The following SATB1 variants were observed in gnomAD, a reference collection of about 807,000 sequenced individuals.
SATB1 encodes the protein DNA-binding protein SATB1.
A neutral mutation model predicts 86.9 loss-of-function variants in SATB1; 11 were observed. The observed-to-expected ratio is 0.13, with a 90% CI of 0.08 to 0.21. The LOEUF (loss-of-function observed/expected upper bound fraction) is 0.21, where lower values mean the gene tolerates loss of function less well. Among genes scored for constraint, SATB1 ranks in the 10% least tolerant of loss-of-function variants. The pLI is 1.00. For synonymous variants in SATB1, 357 were observed against 357.2 expected (o/e 1.00, Z 0.01); for missense variants, 551 against 937.6 (o/e 0.59, Z 5.39).
rs759237539 is a variant in SATB1 at position 18,386,403 on chromosome 3, G to A, written c.1415C>T (p.Pro472Leu). ...PLISTPPSRPPQVKTATIATE... is the reference protein window; with the variant it reads ...PLISTPPSRPLQVKTATIATE... ...AGGAGGAAAAGGAGACCGCACCTGG[G>A]GAGGACGGCTGGGTGGTGTGCTGAT... The change falls in exon 8 of 11, where the codon CCC (proline) becomes CTC (leucine). Residue 472 changes from proline (P) to leucine (L), a missense_variant. By Grantham distance (98) the Pro-to-Leu change is moderately conservative. Around this residue, in one of 8 missense-constraint regions of SATB1, gnomAD observed 110 missense variants for 212.2 expected, o/e 0.52. Coordinates refer to ENST00000338745, the MANE Select transcript of SATB1 (RefSeq NM_002971.6). This position sits in a 1 kb window ranked among gnomAD's most constrained non-coding sequence, Gnocchi z 4.5. The A allele has an allele frequency of 6.2e-7, 1 of 1,613,044 alleles. No individual in the cohort carries two copies. The highest frequency in any genetic ancestry group is 8.5e-7 in the Non-Finnish European group (1 of 1,179,492).
At chr3:18,445,238 C>T in intron 1 of SATB1, 2 of 981,884 alleles carry the variant, frequency 2.0e-6, no homozygotes, top group South Asian at 4.5e-5. Flanking sequence ...GGAGCCTCGG[C>T]GGCCGCTGGC....
At chr3:18,387,620 A>T (rs1254521098) in intron 7 of SATB1, among the ~76,000 whole-genome samples, 2 of 152,210 alleles carry the variant, frequency 1.3e-5, no homozygotes, top group Non-Finnish European at 2.9e-5. Context: ...TATAAGGGCT[A>T]AGCAGCTCTT....
chr3:18,357,868 A>G (rs554355107), intron 9 of SATB1, among the ~76,000 whole-genome samples: 1 of 152,028 alleles, frequency 6.6e-6, no homozygotes, highest in South Asian at 2.1e-4. Context: ...GCTAATGCAG[A>G]AACACCCAAG....
chr3:18,386,414 G>A lies in SATB1; in HGVS notation c.1404C>T (p.Pro468=), dbSNP rs1293522696. The change falls in exon 8 of 11, where the codon CCC becomes CCT. Residue 468 remains proline, a synonymous_variant. Coordinates refer to ENST00000338745, the MANE Select transcript of SATB1 (RefSeq NM_002971.6). The surrounding 1 kb of genome is among the most constrained non-coding windows in gnomAD (Gnocchi z 4.5). ...MGPAPLISTP[P]SRPPQVKTAT... is the part of the protein sequence containing the mutation. The stretch of plus-strand genomic sequence containing the variant: ...GAGACCGCACCTGGGGAGGACGGCT[G>A]GGTGGTGTGCTGATGAGGGGGGCAG... 1 of 1,613,620 alleles carries A rather than the reference G, an allele frequency of 6.2e-7. No homozygotes were observed. Among genetic ancestry groups the A allele is most frequent in the African/African-American group, 1.3e-5 (1 of 74,914 alleles).
At position 18,347,879 on chromosome 3, in the gene SATB1, TGA is replaced by T. The variant is rs1389816407; in HGVS notation, c.*1289_*1290del. ...AACAAGTTATTAACATGCACCTAAATGAGAGGGCCATCCTTTGACTCCTTTAG... is the reference window on the plus strand; with the variant it reads ...AACAAGTTATTAACATGCACCTAAATGAGGGCCATCCTTTGACTCCTTTAG... On this transcript the variant is annotated 3_prime_UTR_variant, in exon 11 of 11. Coordinates refer to ENST00000338745, the MANE Select transcript of SATB1 (RefSeq NM_002971.6). 32 of 152,440 alleles carry T rather than the reference TGA, an allele frequency of 2.1e-4. No homozygotes were observed. The highest frequency in any genetic ancestry group is 6.3e-4 in the African/African-American group (26 of 41,574). The allele number at this position is 152,440 out of a possible 1,614,324, so 9.4% of individuals were successfully genotyped here.
rs1384653046 is a variant in SATB1 at position 18,345,743 on chromosome 3, C to T, written c.*3427G>A. 6.6e-6 allele frequency: 1 copy of T among 152,110 alleles called. No individual in the cohort carries two copies. 9.4% of individuals were successfully genotyped at this position (152,110 alleles called of 1,614,324 possible). A position where few individuals can be genotyped will look rare whatever the true frequency, so the allele number is the denominator to read the frequency against. ...TCCAACTTGCTTTAACACAACAGTT[C>T]TATCAGCTGTATTAGAGGGAATACA... is the stretch of plus-strand genomic sequence containing the variant. On this transcript the variant is annotated 3_prime_UTR_variant, in exon 11 of 11. Coordinates refer to ENST00000338745, the MANE Select transcript of SATB1 (RefSeq NM_002971.6).
chr3:18,405,335 A>G (rs1697468567), intron 5 of SATB1, among the ~76,000 whole-genome samples: 1 of 151,900 alleles, frequency 6.6e-6, no homozygotes, highest in African/African-American at 2.4e-5. Context: ...TCCTCTCTAG[A>G]GATTACAATT....
At chr3:18,368,033 C>G (rs1030306335) in intron 9 of SATB1, among the ~76,000 whole-genome samples, 3 of 152,178 alleles carry the variant, frequency 2.0e-5, no homozygotes, top group African/African-American at 7.2e-5. Context: ...TTATTTACCT[C>G]CACTTTTCTT....
At position 18,394,923 on chromosome 3, in the gene SATB1, T is replaced by C; in HGVS notation, c.752-7A>G. 6.4e-7 allele frequency: 1 copy of C among 1,560,108 alleles called. No homozygotes were observed. The highest frequency in any genetic ancestry group is 8.7e-7 in the Non-Finnish European group (1 of 1,153,164). Reference sequence around the variant, plus strand: ...GAAAGACTATCCATTTCAACTAAAGTGGACAAAGAGTAAAATCACATTCAG... The same window carrying C: ...GAAAGACTATCCATTTCAACTAAAGCGGACAAAGAGTAAAATCACATTCAG... On this transcript the variant is annotated splice_polypyrimidine_tract_variant and splice_region_variant and intron_variant, in intron 6 of 10. Coordinates refer to ENST00000338745, the MANE Select transcript of SATB1 (RefSeq NM_002971.6). This position sits in a 1 kb window ranked among gnomAD's most constrained non-coding sequence, Gnocchi z 5.9.
upstream of SATB1, among the ~76,000 whole-genome samples, chr3:18,442,149 AG>A (rs1209860540): frequency 1.3e-5 from 2 of 152,156 alleles, no homozygotes; most frequent in African/African-American, 4.8e-5. Context: ...GAAGTTATTT[AG>A]GTCTTCTTTC....
chr3:18,369,635 C>A (rs1353409764), intron 9 of SATB1, among the ~76,000 whole-genome samples: 1 of 151,594 alleles, frequency 6.6e-6, no homozygotes, highest in East Asian at 1.9e-4. Flanking sequence ...ACTGTCTAAT[C>A]GCCTGTTATC....
At chr3:18,425,775 G>C (rs1164006006), upstream of SATB1, among the ~76,000 whole-genome samples, 1 of 150,984 alleles carries the variant, frequency 6.6e-6, no homozygotes, top group Non-Finnish European at 1.5e-5. Context: ...GGGGAGGGGA[G>C]CGCGCGGCGC....
At chr3:18,401,869 A>G (rs1346775143) in intron 5 of SATB1, among the ~76,000 whole-genome samples, 1 of 152,168 alleles carries the variant, frequency 6.6e-6, no homozygotes. Context: ...AAAGAATGCC[A>G]TCTTCACAGA....
chr3:18,362,223 A>AC (rs1008830395), intron 9 of SATB1, among the ~76,000 whole-genome samples: 1 of 151,734 alleles, frequency 6.6e-6, no homozygotes, highest in African/African-American at 2.4e-5. Flanking sequence ...ATTCCAGCCC[A>AC]CCCCCAACCC....
upstream of SATB1, among the ~76,000 whole-genome samples, chr3:18,426,520 T>TA (rs1309481194): frequency 2.0e-5 from 3 of 152,232 alleles, no homozygotes; most frequent in Non-Finnish European, 4.4e-5. This position sits in a 1 kb window ranked among gnomAD's most constrained non-coding sequence, Gnocchi z 4.2. Flanking sequence ...CATTACCACA[T>TA]AAGTATGATC....
Position 18,349,059 on chromosome 3 carries a change from T to C in SATB1, c.*111A>G. The C allele has an allele frequency of 6.7e-7, 1 of 1,488,094 alleles. No homozygotes were observed. Among genetic ancestry groups the C allele is most frequent in the Non-Finnish European group, 8.9e-7 (1 of 1,120,836 alleles). 92.2% of individuals were successfully genotyped at this position (1,488,094 alleles called of 1,614,324 possible). ...TTCTGTTTGTGCAAGTTTTTGAAGA[T>C]TCATTGGCCAAACAATGAACAACAA... On this transcript the variant is annotated 3_prime_UTR_variant, in exon 11 of 11. Coordinates refer to ENST00000338745, the MANE Select transcript of SATB1 (RefSeq NM_002971.6). The surrounding 1 kb of genome is among the most constrained non-coding windows in gnomAD (Gnocchi z 5.5).
chr3:18,351,348 G>C (rs866226229), intron 10 of SATB1: 1 of 1,554,130 alleles, frequency 6.4e-7, no homozygotes, highest in South Asian at 1.2e-5. Flanking sequence ...GCAGGGGTCG[G>C]CAGGCCTGGT....
rs903504675 is a variant in SATB1, at chr3:18,405,803, G to A, written c.640-8513C>T. Among the ~76,000 whole-genome samples, 5 of 151,950 alleles carry A rather than the reference G, an allele frequency of 3.3e-5. 1 individual carries two copies. The highest frequency in any genetic ancestry group is 4.1e-4 in the South Asian group (2 of 4,822). On this transcript the variant is annotated intron_variant, in intron 5 of 10. Coordinates refer to ENST00000338745, the MANE Select transcript of SATB1 (RefSeq NM_002971.6). ...TTCACAGAAGACTGAGGGCTAAACC[G>A]CAGCTTTGATTTCTGTGTTTTATTC...
chr3:18,417,884 G>A (rs1192359101), intron 2 of SATB1, among the ~76,000 whole-genome samples: 1 of 152,106 alleles, frequency 6.6e-6, no homozygotes, highest in Non-Finnish European at 1.5e-5. Flanking sequence ...TAGATTTGGT[G>A]TGCTCTCTCT....
Sources: allele counts gnomAD v4.1 joint callset (sites outside exome capture counted in the v4.1 genomes callset), GRCh38; gene constraint gnomAD v4.1.1; regional missense constraint gnomAD v4.1.1; non-coding constraint Gnocchi (gnomAD v3.1); transcripts MANE v1.5; gene names NCBI Gene and HGNC (gene_info 2026-07-23, HGNC 2026-07-21).